CFP: variants seen among roughly 807,000 people sequenced by gnomAD.
CFP encodes properdin.
In CFP, 14 loss-of-function variants were observed where a neutral mutation model predicts 42.1. That is an observed-to-expected ratio of 0.33 (90% CI 0.22 to 0.52). The LOEUF (loss-of-function observed/expected upper bound fraction) is 0.52, where lower values mean the gene tolerates loss of function less well. Ranked by LOEUF, CFP falls within the 20% of genes least tolerant of loss-of-function variation. The probability of loss-of-function intolerance (pLI) is 0.96; values close to 1 mark genes in which losing one functional copy is unlikely to be tolerated. For synonymous variants in CFP, 149 were observed against 160.6 expected (o/e 0.93, Z 0.54); for missense variants, 318 against 400.4 (o/e 0.79, Z 1.76).
At chrX:47,630,168 A>G (rs184314311), upstream of CFP, 1 of 322,733 alleles carries the variant, frequency 3.1e-6, no homozygotes, top group Admixed American at 4.9e-5. Flanking sequence ...GCAACTTCCT[A>G]GCCGTGTGAC....
rs778252094 is a variant in CFP at position 47,626,498 on chromosome X, C to A, written c.962G>T (p.Trp321Leu). ...TCGGATACAGGGGCTCCACTCCCCC[C>A]ACGAGTCCCACTCCCCATCCACTGC... ...PCPVDGEWDS[W>L]GEWSPCIRRN... is the part of the protein sequence containing the mutation. Residue 321 changes from tryptophan to leucine, a missense_variant, in exon 7 of 9, where the codon TGG (tryptophan) becomes TTG (leucine). Transcript: ENST00000396992. The A allele has an allele frequency of 1.7e-6, 2 of 1,211,743 alleles. No individual in the cohort carries two copies. Among genetic ancestry groups the A allele is most frequent in the Non-Finnish European group, 2.2e-6 (2 of 895,424 alleles).
In CFP at chrX:47,624,088, T is replaced by A. The variant is rs764711507; in HGVS notation, c.*187A>T. 2.3e-4 allele frequency: 107 copies of A among 474,969 alleles called. No individual in the cohort carries two copies. Among genetic ancestry groups the A allele is most frequent in the Non-Finnish European group, 3.7e-4 (101 of 271,031 alleles). 39.1% of individuals were successfully genotyped at this position (474,969 alleles called of 1,213,427 possible). On this transcript the variant is annotated 3_prime_UTR_variant, in exon 9 of 9. Coordinates refer to ENST00000396992, the MANE Select transcript of CFP (RefSeq NM_001145252.3). ...AACCTGCGACCACAGTGGAAAATAC[T>A]GTTTTCCGCAACAGGCTGCTGTGTC...
Position 47,624,054 on chromosome X carries a change from A to C in CFP, c.*221T>G, listed in dbSNP as rs1366197370. The stretch of plus-strand genomic sequence containing the variant: ...AGGCTGGGACTGCACACTCGCTTTC[A>C]CTCCTGCCAACCTGCGACCACAGTG... On this transcript the variant is annotated 3_prime_UTR_variant, in exon 9 of 9. Coordinates refer to ENST00000396992, the MANE Select transcript of CFP (RefSeq NM_001145252.3). 3 of 430,382 alleles carry C rather than the reference A, an allele frequency of 7.0e-6. No individual in the cohort carries two copies. The East Asian group carries it at 1.2e-4, about 17-fold the overall frequency. The allele number at this position is 430,382 out of a possible 1,213,427, so 35.5% of individuals were successfully genotyped here. A position where few individuals can be genotyped will look rare whatever the true frequency, so the allele number is the denominator to read the frequency against.
intron 2 of CFP, 25 bp downstream of exon 2, chrX:47,629,499 T>TCC: frequency 5.4e-6 from 2 of 373,022 alleles, no homozygotes; most frequent in Admixed American, 4.4e-5. Flanking sequence ...CTCCCCCCCA[T>TCC]CCCCCACCCC....
chrX:47,625,867 C>A, intron 8 of CFP, 191 bp downstream of exon 8: 1 of 480,647 alleles, frequency 2.1e-6, no homozygotes. Flanking sequence ...GGCACAGAGG[C>A]TACGAATTAT....
rs1355735826 is a variant in CFP, at chrX:47,627,652, G to A, written c.404-11C>T. 1.7e-6 allele frequency: 2 copies of A among 1,188,406 alleles called. No homozygotes were observed. Among genetic ancestry groups the A allele is most frequent in the South Asian group, 1.9e-5 (1 of 53,770 alleles). The stretch of plus-strand genomic sequence containing the variant: ...ACCAGCCGCCCATCTCTGTGGGAGA[G>A]AAGAGAGGGTAATGGGATGGAGGTG... On this transcript the variant is annotated splice_polypyrimidine_tract_variant and intron_variant, in intron 3 of 8. Coordinates refer to ENST00000396992, the MANE Select transcript of CFP (RefSeq NM_001145252.3).
At position 47,624,039 on chromosome X, in the gene CFP, T is replaced by C. The variant is rs1225563377; in HGVS notation, c.*236A>G. ...GGCAGCGGCGGGGAGAGGCTGGGAC[T>C]GCACACTCGCTTTCACTCCTGCCAA... On this transcript the variant is annotated 3_prime_UTR_variant, in exon 9 of 9. Transcript: ENST00000396992. The C allele has an allele frequency of 9.5e-6, 4 of 422,698 alleles. No individual in the cohort carries two copies. Among genetic ancestry groups the C allele is most frequent in the South Asian group, 3.2e-5 (1 of 30,968 alleles). 34.8% of individuals were successfully genotyped at this position (422,698 alleles called of 1,213,427 possible).
In CFP at chrX:47,629,518, C is replaced by T. The variant is rs1424519240; in HGVS notation, c.227+6G>A. ...CCCCCATCCCCCACCCCAGGCTCCC[C>T]CTAACCTGCAAGGCTGACAGAGCCC... On this transcript the variant is annotated splice_donor_region_variant and intron_variant, in intron 2 of 8. Transcript: ENST00000396992. The T allele has an allele frequency of 8.8e-6, 10 of 1,141,518 alleles. No homozygotes were observed. The highest frequency in any genetic ancestry group is 6.6e-4 in the Middle Eastern group (2 of 3,053). 94.1% of individuals were successfully genotyped at this position (1,141,518 alleles called of 1,213,427 possible).
chrX:47,627,217 G>C lies in CFP; in HGVS notation c.690C>G (p.Ser230=). The C allele has an allele frequency of 1.7e-6, 2 of 1,211,786 alleles. No individual in the cohort carries two copies. ...GGCAGGGCTTCCCAGGAGGTTTCTGGGAGGGCTCAGGTGCAGAACACTTGC... is the reference window on the plus strand; with the variant it reads ...GGCAGGGCTTCCCAGGAGGTTTCTGCGAGGGCTCAGGTGCAGAACACTTGC... ...RSRKCSAPEP[S]QKPPGKPCPG... Residue 230 remains serine (S), a synonymous_variant, in exon 5 of 9, where the codon TCC becomes TCG. Transcript: ENST00000396992.
intron 8 of CFP, 188 bp downstream of exon 8, chrX:47,625,870 C>T (rs925676321): frequency 2.1e-5 from 10 of 482,188 alleles, no homozygotes; most frequent in South Asian, 1.4e-4. Context: ...ACAGAGGCTA[C>T]GAATTATCCT....
At position 47,629,536 on chromosome X, in the gene CFP, C is replaced by A; in HGVS notation, c.215G>T (p.Cys72Phe). 1 of 1,118,700 alleles carries A rather than the reference C, an allele frequency of 8.9e-7. No individual in the cohort carries two copies. The highest frequency in any genetic ancestry group is 2.6e-5 in the Admixed American group (1 of 37,970). 92.2% of individuals were successfully genotyped at this position (1,118,700 alleles called of 1,213,427 possible). The change falls in exon 2 of 9, where the codon TGT becomes TTT. Residue 72 changes from cysteine to phenylalanine, a missense_variant. Cys to Phe is a radical substitution (Grantham distance 205, BLOSUM62 -2). Transcript: ENST00000396992. Reference protein sequence around the residue: ...FAYQKRSGGLCQPCRSPRWSL... With the variant: ...FAYQKRSGGLFQPCRSPRWSL... ...GGCTCCCCCTAACCTGCAAGGCTGA[C>A]AGAGCCCACCACTACGTTTCTGGTA... is the stretch of plus-strand genomic sequence containing the variant.
chrX:47,629,486 T>TCCCCCCCCCC, intron 2 of CFP, 38 bp downstream of exon 2: 1 of 669,630 alleles, frequency 1.5e-6, no homozygotes, highest in African/African-American at 2.2e-5. Flanking sequence ...AGACAGTCCT[T>TCCCCCCCCCC]CCCTCCCCCC....
chrX:47,625,039 G>A (rs1291680881), intron 8 of CFP: 1 of 111,615 alleles, frequency 9.0e-6, no homozygotes, highest in Non-Finnish European at 1.9e-5. Context: ...TGACATTCAA[G>A]GCCTTATTGT....
rs2057983720 is a variant in CFP, at chrX:47,629,713, C to T, written c.77-39G>A. The T allele has an allele frequency of 1.1e-5, 13 of 1,163,320 alleles. No homozygotes were observed. The South Asian group carries it at 1.3e-4, about 12-fold the overall frequency. ...AGGGGATGGGTGGGTGGGGCTCGGTCAGGGATGTGGTGGGCCTGGACACCC... is the reference window on the plus strand; with the variant it reads ...AGGGGATGGGTGGGTGGGGCTCGGTTAGGGATGTGGTGGGCCTGGACACCC... On this transcript the variant is annotated intron_variant, in intron 1 of 8. Coordinates refer to ENST00000396992, the MANE Select transcript of CFP (RefSeq NM_001145252.3).
Position 47,626,046 on chromosome X carries a change from C to T in CFP, c.1244+12G>A. ...TGACCCCCTCCCAGGCATACTTTGC[C>T]CTCTCACTCACGGGTACTTGGGGAG... On this transcript the variant is annotated intron_variant, in intron 8 of 8. Transcript: ENST00000396992. 2 of 1,159,214 alleles carry T rather than the reference C, an allele frequency of 1.7e-6. No homozygotes were observed. The highest frequency in any genetic ancestry group is 2.3e-6 in the Non-Finnish European group (2 of 863,730).
intron 2 of CFP, 38 bp downstream of exon 2, chrX:47,629,486 T>TGCCCGCCCCCCCCCCCCCC: frequency 1.5e-6 from 1 of 669,644 alleles, no homozygotes; most frequent in Non-Finnish European, 2.3e-6. Context: ...AGACAGTCCT[T>TGCCCGCCCCCCCCCCCCCC]CCCTCCCCCC....
chrX:47,626,969 G>A, intron 5 of CFP, 23 bp from the exon 6 acceptor site: 1 of 1,168,136 alleles, frequency 8.6e-7, no homozygotes, highest in Non-Finnish European at 1.1e-6. Context: ...GAAAGGGAGT[G>A]AGGAGAAAGG....
At chrX:47,629,258 G>A in intron 2 of CFP, 1 of 360,109 alleles carries the variant, frequency 2.8e-6, no homozygotes. Flanking sequence ...ACAGCTGGTG[G>A]GGAGAATTGC....
Position 47,626,505 on chromosome X carries a change from C to T in CFP, c.955G>A (p.Asp319Asn), listed in dbSNP as rs1180877388. 2 of 1,211,616 alleles carry T rather than the reference C, an allele frequency of 1.7e-6. No homozygotes were observed. The highest frequency in any genetic ancestry group is 3.5e-5 in the South Asian group (2 of 56,991). ...CAGGGGCTCCACTCCCCCCACGAGT[C>T]CCACTCCCCATCCACTGCAGAGACA... Reference protein sequence around the residue: ...AVPCPVDGEWDSWGEWSPCIR... With the variant: ...AVPCPVDGEWNSWGEWSPCIR... Residue 319 changes from aspartate to asparagine, a missense_variant, in exon 7 of 9, where the codon GAC (aspartate) becomes AAC (asparagine). By Grantham distance (23) the Asp-to-Asn change is conservative (BLOSUM62 1). Transcript: ENST00000396992.
Sources: gnomAD v4.1 joint callset for allele counts on GRCh38, gnomAD v4.1.1 for gene constraint, MANE v1.5 for transcripts, NCBI Gene and HGNC (gene_info 2026-07-23, HGNC 2026-07-21) for gene names.